Variants in COL17A1 observed in about 807,000 individuals in gnomAD.
COL17A1 encodes the protein collagen type XVII alpha 1 chain, also known as collagen alpha-1(XVII) chain.
A neutral mutation model predicts 218.4 loss-of-function variants in COL17A1; 181 were observed. The ratio of observed to expected loss-of-function variants is 0.83; its 90% CI spans 0.73 to 0.94. The LOEUF (loss-of-function observed/expected upper bound fraction) is 0.94, where lower values mean the gene tolerates loss of function less well. Among genes scored for constraint, COL17A1 ranks in the 40% least tolerant of loss-of-function variants. The pLI is 0.00. For missense variants in COL17A1, 1,924 were observed against 1,945.9 expected, an observed-to-expected ratio of 0.99 and a Z score of 0.21; for synonymous variants, 721 against 731.0, an observed-to-expected ratio of 0.99 and a Z score of 0.22.
Position 104,055,774 on chromosome 10 carries a change from G to C in COL17A1, c.1687+8C>G. ...GGGAGCTGGCCCTGTGCCCGGCGAT[G>C]CTCTCACCATTTTCCTGTTCCATCA... On this transcript the variant is annotated splice_region_variant and intron_variant, in intron 18 of 55. Transcript: ENST00000648076. 6.2e-7 allele frequency: 1 copy of C among 1,613,810 alleles called. No individual in the cohort carries two copies.
Position 104,039,023 on chromosome 10 carries a change from C to G in COL17A1, c.2947+48G>C, listed in dbSNP as rs376750187. 4 of 1,568,520 alleles carry G rather than the reference C, an allele frequency of 2.6e-6. No individual in the cohort carries two copies. In the African/African-American group the frequency reaches 5.4e-5, roughly 21 times the overall value. The stretch of plus-strand genomic sequence containing the variant: ...CAACATCCTCACTGGAATGATCAGC[C>G]TTCACCAGAAGAAGTGGAGAGGAAC... On this transcript the variant is annotated intron_variant, in intron 44 of 55. Transcript: ENST00000648076.
Position 104,054,084 on chromosome 10 carries a change from G to A in COL17A1, c.1771+8C>T, listed in dbSNP as rs751417228. ...TGGCAGGCCTGGAGGTCATCAGAGA[G>A]TACATACCTGGAGTCCCAGGGAACC... On this transcript the variant is annotated splice_region_variant and intron_variant, in intron 21 of 55. Coordinates refer to ENST00000648076, the MANE Select transcript of COL17A1 (RefSeq NM_000494.4). 1 of 1,612,956 alleles carries A rather than the reference G, an allele frequency of 6.2e-7. No homozygotes were observed. Among genetic ancestry groups the A allele is most frequent in the Non-Finnish European group, 8.5e-7 (1 of 1,179,448 alleles).
At chr10:104,048,010 C>A in intron 30 of COL17A1, 59 bp downstream of exon 30, 1 of 1,599,950 alleles carries the variant, frequency 6.3e-7, no homozygotes. Context: ...CTGAGGGCTG[C>A]ATGCTGGAAC....
chr10:104,040,057 A>G (rs746344699), intron 40 of COL17A1, 58 bp from the exon 41 acceptor site: 9 of 1,592,280 alleles, frequency 5.7e-6, no homozygotes, highest in East Asian at 2.2e-5. Flanking sequence ...TGTGGTTTCA[A>G]TGGGCCCATG....
chr10:104,059,689 C>T lies in COL17A1; in HGVS notation c.1171G>A (p.Glu391Lys). Residue 391 changes from glutamate to lysine, a missense_variant, in exon 15 of 56, where the codon GAA becomes AAA. Glu to Lys is a moderately conservative substitution (Grantham distance 56). Coordinates refer to ENST00000648076, the MANE Select transcript of COL17A1 (RefSeq NM_000494.4). ...TCAGCATTGTAGGCAGCTTGCTTTT[C>T]TTTTTTTAGGGTGTCTTCTGAAAAA... ...TSFSEDTLKK[E>K]KQAAYNADSG... The T allele has an allele frequency of 6.2e-7, 1 of 1,614,174 alleles. No individual in the cohort carries two copies. Among genetic ancestry groups the T allele is most frequent in the Non-Finnish European group, 8.5e-7 (1 of 1,180,028 alleles).
chr10:104,075,902 C>T lies in COL17A1; in HGVS notation c.331+399G>A, dbSNP rs116230754. On this transcript the variant is annotated intron_variant, in intron 5 of 55. Transcript: ENST00000648076. ...GTCCCCTCCTCCATAGAATTTTCCC[C>T]GATTTCCTCAGCTTAAAGTGATAAT... 6.3e-3 allele frequency among the ~76,000 whole-genome samples: 963 copies of T among 152,318 alleles called. 11 individuals carry two copies. The highest frequency in any genetic ancestry group is 0.022 in the African/African-American group (934 of 41,566).
Position 104,055,321 on chromosome 10 carries a change from C to T in COL17A1, c.1717+51G>A, listed in dbSNP as rs188317723. The stretch of plus-strand genomic sequence containing the variant: ...GCTTCTAATCTACCCAGAAAACTCA[C>T]TTCCAACTGCAGGAAATGAATCAGA... On this transcript the variant is annotated intron_variant, in intron 19 of 55. Coordinates refer to ENST00000648076, the MANE Select transcript of COL17A1 (RefSeq NM_000494.4). The T allele has an allele frequency of 2.5e-6, 4 of 1,613,664 alleles. No homozygotes were observed. The Admixed American group carries it at 5.0e-5, about 20-fold the overall frequency.
rs2086568423 is a variant in COL17A1, at chr10:104,060,099, C to T, written c.1141+20G>A. The T allele has an allele frequency of 6.2e-7, 1 of 1,613,634 alleles. No individual in the cohort carries two copies. The highest frequency in any genetic ancestry group is 1.3e-5 in the African/African-American group (1 of 74,894). ...ATTTGGCTTTCTTCTGAAACCCAAG[C>T]CACACAGGATCTGACGCACTTGCAG... is the stretch of plus-strand genomic sequence containing the variant. On this transcript the variant is annotated intron_variant, in intron 14 of 55. Transcript: ENST00000648076.
intron 3 of COL17A1, 36 bp downstream of exon 3, chr10:104,078,506 C>T (rs569940765): frequency 1.2e-6 from 2 of 1,614,010 alleles, no homozygotes; most frequent in Non-Finnish European, 1.7e-6. Context: ...TCAAATGTGA[C>T]CTACTGAAAA....
At chr10:104,056,104 T>G (rs2086523038) in intron 17 of COL17A1, 101 bp from the exon 18 acceptor site, 1 of 1,398,022 alleles carries the variant, frequency 7.2e-7, no homozygotes, top group Non-Finnish European at 1.0e-6. Context: ...TTGGGGCCTG[T>G]GGTGGCTTCT....
chr10:104,040,616 GGATGGATA>G (rs2086350397), intron 39 of COL17A1, among the ~76,000 whole-genome samples: 1 of 149,810 alleles, frequency 6.7e-6, no homozygotes, highest in African/African-American at 2.4e-5. Flanking sequence ...ATGGATGGAT[GGATGGATA>G]GGTGGATGGG....
At position 104,055,023 on chromosome 10, in the gene COL17A1, T is replaced by A. The variant is rs199679027; in HGVS notation, c.1718-16A>T. On this transcript the variant is annotated splice_polypyrimidine_tract_variant and intron_variant, in intron 19 of 55. Coordinates refer to ENST00000648076, the MANE Select transcript of COL17A1 (RefSeq NM_000494.4). ...CCCATGTCACCTGAAACCAGAAAGA[T>A]ATGAAAACTGTGAGATGGGGCAAGA... is the stretch of plus-strand genomic sequence containing the variant. The A allele has an allele frequency of 1.6e-3, 2,579 of 1,614,066 alleles. 7 individuals carry two copies. The highest frequency in any genetic ancestry group is 5.3e-3 in the Middle Eastern group (32 of 6,062).
intron 2 of COL17A1, among the ~76,000 whole-genome samples, chr10:104,080,298 T>A (rs1030418531): frequency 6.6e-6 from 1 of 152,248 alleles, no homozygotes; most frequent in Non-Finnish European, 1.5e-5. Flanking sequence ...TAGATTTCTG[T>A]TGCCCTGTAC....
intron 29 of COL17A1, 69 bp from the exon 30 acceptor site, chr10:104,048,173 C>G: frequency 6.4e-7 from 1 of 1,557,366 alleles, no homozygotes; most frequent in Non-Finnish European, 8.9e-7. Flanking sequence ...CCTCTACTGT[C>G]CCAGTGGCCT....
chr10:104,050,786 C>T, intron 26 of COL17A1, 62 bp downstream of exon 26: 1 of 1,613,976 alleles, frequency 6.2e-7, no homozygotes, highest in African/African-American at 1.3e-5. Flanking sequence ...TGTCAGCCTG[C>T]ATAGGCTGTG....
Position 104,032,890 on chromosome 10 carries a change from C to T in COL17A1, c.4357+16G>A, listed in dbSNP as rs1261079800. 1.2e-6 allele frequency: 2 copies of T among 1,614,048 alleles called. No individual in the cohort carries two copies. Among genetic ancestry groups the T allele is most frequent in the Non-Finnish European group, 1.7e-6 (2 of 1,180,014 alleles). On this transcript the variant is annotated intron_variant, in intron 54 of 55. Coordinates refer to ENST00000648076, the MANE Select transcript of COL17A1 (RefSeq NM_000494.4). ...TTAACACAGGATCCAGGGACTGGCT[C>T]TCTGCCACCACTTACCTTTGGGTCC... is the stretch of plus-strand genomic sequence containing the variant.
At chr10:104,073,733 C>T (rs749354474) in intron 6 of COL17A1, among the ~76,000 whole-genome samples, 1 of 152,120 alleles carries the variant, frequency 6.6e-6, no homozygotes, top group African/African-American at 2.4e-5. Flanking sequence ...AAACTTAAGG[C>T]CAAGTGAAGA....
In COL17A1 at chr10:104,033,302, G is replaced by T; in HGVS notation, c.4230C>A (p.Pro1410=). ...AGGCAGAGAAGACCTTGCTGATGCC[G>T]GGTGGCCCCTGTGGCCCAGGCTGGC... The part of the protein sequence containing the change: ...PPGQPGPQGP[P]GISKVFSAYS... The change falls in exon 53 of 56, where the codon CCC becomes CCA. Residue 1410 remains proline, a synonymous_variant. Coordinates refer to ENST00000648076, the MANE Select transcript of COL17A1 (RefSeq NM_000494.4). The T allele has an allele frequency of 3.1e-6, 5 of 1,604,318 alleles. No homozygotes were observed. Among genetic ancestry groups the T allele is most frequent in the Non-Finnish European group, 4.3e-6 (5 of 1,175,460 alleles).
intron 1 of COL17A1, among the ~76,000 whole-genome samples, chr10:104,081,967 T>G (rs1486375958): frequency 6.6e-6 from 1 of 152,212 alleles, no homozygotes; most frequent in African/African-American, 2.4e-5. Flanking sequence ...CAAAAGTGTC[T>G]AGGGACCGTG....
Sources: gnomAD v4.1 joint callset for allele counts (sites outside exome capture counted in the v4.1 genomes callset) on GRCh38, gnomAD v4.1.1 for gene constraint, MANE v1.5 for transcripts, NCBI Gene and HGNC (gene_info 2026-07-23, HGNC 2026-07-21) for gene names.